Variants in HIBCH observed in about 807,000 individuals in gnomAD.
The protein encoded by HIBCH is 3-hydroxyisobutyryl-CoA hydrolase, mitochondrial.
A neutral mutation model predicts 58.2 loss-of-function variants in HIBCH; 50 were observed. The observed-to-expected ratio is 0.86, with a 90% CI of 0.68 to 1.09. The LOEUF is 1.09. Ranked by LOEUF, HIBCH falls within the 50% of genes least tolerant of loss-of-function variation. HIBCH has a pLI of 0.00. For synonymous variants in HIBCH, 151 were observed against 146.9 expected, an observed-to-expected ratio of 1.03 and a Z score of -0.20; for missense variants, 450 against 449.7, an observed-to-expected ratio of 1.00 and a Z score of -0.01.
At chr2:190,193,744 TA>T (rs1452430178) in intron 1 of HIBCH, among the ~76,000 whole-genome samples, 6 of 152,194 alleles carry the variant, frequency 3.9e-5, no homozygotes, top group Non-Finnish European at 1.5e-5. Flanking sequence ...ATGTATCTAT[TA>T]GATCTTTTTA....
intron 6 of HIBCH, among the ~76,000 whole-genome samples, chr2:190,269,414 G>A (rs1191031448): frequency 2.0e-5 from 3 of 152,014 alleles, no homozygotes; most frequent in Admixed American, 6.6e-5. Context: ...GTGGGTGAAG[G>A]ATATGAACAG....
At chr2:190,310,023 C>T (rs1380735746) in intron 2 of HIBCH, among the ~76,000 whole-genome samples, 1 of 152,162 alleles carries the variant, frequency 6.6e-6, no homozygotes, top group Non-Finnish European at 1.5e-5. Context: ...TCCAGAGTGG[C>T]TAGAATAAAA....
At chr2:190,250,487 GTC>G in intron 8 of HIBCH, 1 of 403,630 alleles carries the variant, frequency 2.5e-6, no homozygotes, top group South Asian at 2.0e-5. Flanking sequence ...CCCTGAGAAT[GTC>G]TGTCTACTCA....
At chr2:190,244,026 C>T (rs779693242) in intron 11 of HIBCH, among the ~76,000 whole-genome samples, 5 of 152,076 alleles carry the variant, frequency 3.3e-5, no homozygotes, top group Non-Finnish European at 5.9e-5. Flanking sequence ...TTCACCTTTA[C>T]AGGTAAGACT....
rs1198069652 is a variant in HIBCH at position 190,254,082 on chromosome 2, T to C, written c.518-1775A>G. Among the ~76,000 whole-genome samples, 1 of 152,046 alleles carries C rather than the reference T, an allele frequency of 6.6e-6. No individual in the cohort carries two copies. The highest frequency in any genetic ancestry group is 1.5e-5 in the Non-Finnish European group (1 of 68,014). On this transcript the variant is annotated intron_variant, in intron 7 of 13. Transcript: ENST00000359678. The surrounding 1 kb of genome is among the most constrained non-coding windows in gnomAD (Gnocchi z 5.0). ...TTCCTATATATACATTTTCCTTAACTCCTATGACTTTAAATAATATCTATA... is the reference window on the plus strand; with the variant it reads ...TTCCTATATATACATTTTCCTTAACCCCTATGACTTTAAATAATATCTATA...
chr2:190,308,540 A>G (rs1460697410), intron 2 of HIBCH, among the ~76,000 whole-genome samples: 1 of 152,158 alleles, frequency 6.6e-6, no homozygotes, highest in Non-Finnish European at 1.5e-5. Context: ...CTGTAGGTTT[A>G]TAAGAGGAAG....
At chr2:190,221,596 C>T (rs1229799059) in intron 11 of HIBCH, among the ~76,000 whole-genome samples, 1 of 152,190 alleles carries the variant, frequency 6.6e-6, no homozygotes, top group African/African-American at 2.4e-5. Flanking sequence ...GGGCCCCACC[C>T]TCAAGCGTGA....
chr2:190,192,452 C>CTGTGTG (rs147936734), intron 1 of HIBCH, among the ~76,000 whole-genome samples: 6,997 of 145,282 alleles, frequency 0.048, 182 homozygotes, highest in Middle Eastern at 0.093. Flanking sequence ...AATTCAGAAT[C>CTGTGTG]TGTGTGTGTG....
At position 190,249,629 on chromosome 2, in the gene HIBCH, A is replaced by C; in HGVS notation, c.750+11T>G. 6.7e-7 allele frequency: 1 copy of C among 1,497,924 alleles called. No individual in the cohort carries two copies. The highest frequency in any genetic ancestry group is 9.3e-7 in the Non-Finnish European group (1 of 1,074,878). 92.8% of individuals were successfully genotyped at this position (1,497,924 alleles called of 1,614,324 possible). On this transcript the variant is annotated intron_variant, in intron 9 of 13. Transcript: ENST00000359678. ...AATTAAAACCTGAGGTTAGAATATT[A>C]ACAAGATTACCTCTGTATGGTAATT...
In HIBCH at chr2:190,216,876, T is replaced by G. The variant is rs1685561597; in HGVS notation, c.892-3801A>C. On this transcript the variant is annotated intron_variant, in intron 11 of 13. Coordinates refer to ENST00000359678, the MANE Select transcript of HIBCH (RefSeq NM_014362.4). This position sits in a 1 kb window ranked among gnomAD's most constrained non-coding sequence, Gnocchi z 4.2. ...GAGGAGGAAAAGCCACTAAGTCCCC[T>G]CCCAGAGCGGGACAAACCAGAGACC... is the stretch of plus-strand genomic sequence containing the variant. 6.6e-6 allele frequency among the ~76,000 whole-genome samples: 1 copy of G among 152,052 alleles called. No individual in the cohort carries two copies. The highest frequency in any genetic ancestry group is 2.1e-4 in the South Asian group (1 of 4,824).
intron 1 of HIBCH, among the ~76,000 whole-genome samples, chr2:190,193,485 C>A (rs1475948717): frequency 1.3e-5 from 2 of 152,104 alleles, no homozygotes; most frequent in African/African-American, 4.8e-5. Context: ...ACTGGTATTA[C>A]TTCCTCGTAA....
intron 6 of HIBCH, among the ~76,000 whole-genome samples, chr2:190,280,700 G>A (rs768692616): frequency 2.0e-5 from 3 of 152,192 alleles, no homozygotes; most frequent in East Asian, 3.9e-4. Context: ...ATGGCCCCTC[G>A]AGTGCTGGCA....
intron 9 of HIBCH, among the ~76,000 whole-genome samples, chr2:190,248,693 C>A (rs1248976119): frequency 2.0e-5 from 3 of 151,890 alleles, no homozygotes; most frequent in Non-Finnish European, 2.9e-5. Flanking sequence ...GAAACCCTGT[C>A]TCTACTAAAA....
chr2:190,198,081 C>G (rs558144069), intron 1 of HIBCH, among the ~76,000 whole-genome samples: 1 of 152,262 alleles, frequency 6.6e-6, no homozygotes, highest in Non-Finnish European at 1.5e-5. Flanking sequence ...AACTTGTTTC[C>G]CTTTTAAAAT....
intron 2 of HIBCH, among the ~76,000 whole-genome samples, chr2:190,310,119 T>C (rs1255858750): frequency 6.6e-6 from 1 of 152,166 alleles, no homozygotes; most frequent in East Asian, 1.9e-4. Context: ...CCTTCAAACA[T>C]CAGCTTCCAA....
rs1401020246 is a variant in HIBCH, at chr2:190,207,680, A to G, written c.1045+1200T>C. 6.6e-6 allele frequency among the ~76,000 whole-genome samples: 1 copy of G among 152,194 alleles called. No individual in the cohort carries two copies. Among genetic ancestry groups the G allele is most frequent in the Non-Finnish European group, 1.5e-5 (1 of 68,038 alleles). On this transcript the variant is annotated intron_variant, in intron 13 of 13. Transcript: ENST00000359678. This position sits in a 1 kb window ranked among gnomAD's most constrained non-coding sequence, Gnocchi z 4.5. ...CAGATCACATAATATCAGGAGTTCA[A>G]GACCAGCCTGGCCAACATGGTGAAA...
intron 7 of HIBCH, chr2:190,260,322 T>C (rs1346910944): frequency 1.3e-5 from 2 of 152,148 alleles, no homozygotes; most frequent in Non-Finnish European, 2.9e-5. Flanking sequence ...GAAATACTTA[T>C]GGATAAATAT....
intron 11 of HIBCH, among the ~76,000 whole-genome samples, chr2:190,228,172 C>G (rs1011830501): frequency 5.9e-5 from 9 of 151,976 alleles, no homozygotes; most frequent in African/African-American, 1.9e-4. Context: ...CAATGATAGA[C>G]TGGATTAAGA....
At chr2:190,237,692 G>A (rs1686318965) in intron 11 of HIBCH, among the ~76,000 whole-genome samples, 2 of 151,972 alleles carry the variant, frequency 1.3e-5, no homozygotes, top group African/African-American at 4.8e-5. Flanking sequence ...ATATATACGT[G>A]TGCAGAACGT....
Sources: allele counts gnomAD v4.1 joint callset (sites outside exome capture counted in the v4.1 genomes callset), GRCh38; gene constraint gnomAD v4.1.1; non-coding constraint Gnocchi (gnomAD v3.1); transcripts MANE v1.5; gene names NCBI Gene and HGNC (gene_info 2026-07-23, HGNC 2026-07-21).